Variants in ARHGAP15 observed in about 807,000 individuals in gnomAD.
ARHGAP15 encodes rho GTPase-activating protein 15.
ARHGAP15 carries 51 observed loss-of-function variants against 63.7 expected under a neutral mutation model. The ratio of observed to expected loss-of-function variants is 0.80; its 90% CI spans 0.64 to 1.01. The LOEUF (loss-of-function observed/expected upper bound fraction) is 1.01. ARHGAP15 is among the 50% of genes least tolerant of loss of function. ARHGAP15 has a pLI of 0.00. For synonymous variants in ARHGAP15, 191 were observed against 193.8 expected, an observed-to-expected ratio of 0.99 and a Z score of 0.12; for missense variants, 560 against 564.6, an observed-to-expected ratio of 0.99 and a Z score of 0.08.
intron 12 of ARHGAP15, among the ~76,000 whole-genome samples, chr2:143,657,295 C>A (rs553861125): frequency 1.3e-5 from 2 of 152,106 alleles, no homozygotes; most frequent in Admixed American, 1.3e-4. Context: ...TGCAGTGAGC[C>A]GAGATCGCGC....
intron 6 of ARHGAP15, among the ~76,000 whole-genome samples, chr2:143,316,499 A>T (rs1683716806): frequency 1.3e-5 from 2 of 149,630 alleles, no homozygotes; most frequent in South Asian, 4.2e-4. Context: ...GAATCTCGCT[A>T]TTTGTAATAT....
chr2:143,166,041 AAAAGAAAG>A (rs70982848), intron 2 of ARHGAP15, among the ~76,000 whole-genome samples: 79 of 95,900 alleles, frequency 8.2e-4, no homozygotes, highest in Non-Finnish European at 1.5e-3. Flanking sequence ...CAAAGGAAGA[AAAAGAAAG>A]AAAGAAAGAA....
At chr2:143,582,186 T>C (rs1299903177) in intron 11 of ARHGAP15, among the ~76,000 whole-genome samples, 1 of 152,148 alleles carries the variant, frequency 6.6e-6, no homozygotes, top group East Asian at 1.9e-4. Context: ...AGAGGCATGA[T>C]TGCACTAAAT....
chr2:143,428,121 A>G (rs1689210677), intron 6 of ARHGAP15, among the ~76,000 whole-genome samples: 1 of 152,086 alleles, frequency 6.6e-6, no homozygotes, highest in African/African-American at 2.4e-5. Context: ...GCAGGATGTT[A>G]TGAGCGCACT....
chr2:143,435,281 C>T, intron 6 of ARHGAP15: 7 of 1,010,304 alleles, frequency 6.9e-6, no homozygotes, highest in Non-Finnish European at 8.3e-6. Flanking sequence ...TCTGCGGGTT[C>T]TGACTTAAGT....
intron 6 of ARHGAP15, among the ~76,000 whole-genome samples, chr2:143,373,154 C>T (rs1395811473): frequency 6.6e-6 from 1 of 152,114 alleles, no homozygotes; most frequent in African/African-American, 2.4e-5. Flanking sequence ...ATTTACTCAT[C>T]TGAATCTCAG....
chr2:143,331,364 A>G (rs902502988), intron 6 of ARHGAP15, among the ~76,000 whole-genome samples: 2 of 152,144 alleles, frequency 1.3e-5, no homozygotes, highest in African/African-American at 4.8e-5. Flanking sequence ...AGTGTACCAT[A>G]GACCTATATA....
chr2:143,289,052 CAGTG>C (rs1212842854), intron 6 of ARHGAP15, among the ~76,000 whole-genome samples: 21 of 152,104 alleles, frequency 1.4e-4, no homozygotes, highest in Non-Finnish European at 2.5e-4. Flanking sequence ...CTGATGAAGA[CAGTG>C]AGAGAAATCC....
intron 8 of ARHGAP15, among the ~76,000 whole-genome samples, chr2:143,465,731 A>G (rs1396111002): frequency 6.6e-6 from 1 of 151,796 alleles, no homozygotes; most frequent in Non-Finnish European, 1.5e-5. Context: ...TCTTTTCATC[A>G]CTACTTTTTG....
chr2:143,160,505 T>C (rs1690248829), intron 2 of ARHGAP15, among the ~76,000 whole-genome samples: 1 of 152,008 alleles, frequency 6.6e-6, no homozygotes, highest in African/African-American at 2.4e-5. Context: ...GGCAATTTTG[T>C]TGAGATTTTT....
chr2:143,246,775 ATGATTTTAATAGCATCAGAAACACAC>A (rs1332438211), intron 5 of ARHGAP15, among the ~76,000 whole-genome samples: 1 of 152,142 alleles, frequency 6.6e-6, no homozygotes, highest in Non-Finnish European at 1.5e-5. Flanking sequence ...ACAAAGGTCA[ATGATTTTAATAGCATCAGAAACACAC>A]GGATAAGAAA....
intron 2 of ARHGAP15, among the ~76,000 whole-genome samples, chr2:143,163,526 C>T (rs1377880649): frequency 6.6e-6 from 1 of 151,768 alleles, no homozygotes; most frequent in Non-Finnish European, 1.5e-5. Context: ...TATATATTTA[C>T]AAGCTGAAAT....
intron 2 of ARHGAP15, among the ~76,000 whole-genome samples, chr2:143,187,362 T>C (rs1279060752): frequency 1.3e-5 from 2 of 152,266 alleles, no homozygotes; most frequent in Middle Eastern, 3.4e-3. Flanking sequence ...CATTAGGGAG[T>C]GAGTCTTCAA....
intron 11 of ARHGAP15, among the ~76,000 whole-genome samples, chr2:143,582,174 T>C (rs1696932192): frequency 6.6e-6 from 1 of 152,158 alleles, no homozygotes; most frequent in Non-Finnish European, 1.5e-5. Context: ...CAATGGCCAG[T>C]AAGAGGCATG....
intron 12 of ARHGAP15, among the ~76,000 whole-genome samples, chr2:143,667,599 AAAAAG>A (rs1353936618): frequency 1.6e-3 from 237 of 151,538 alleles, no homozygotes; most frequent in African/African-American, 5.5e-3. Flanking sequence ...AAAAAAAAAA[AAAAAG>A]AAAAGAAGTG....
At chr2:143,423,094 G>C (rs1376046078) in intron 6 of ARHGAP15, among the ~76,000 whole-genome samples, 1 of 152,126 alleles carries the variant, frequency 6.6e-6, no homozygotes, top group African/African-American at 2.4e-5. Flanking sequence ...GAACCAGAAA[G>C]AGCTGGAGAA....
In ARHGAP15 at chr2:143,561,825, C is replaced by G. The variant is rs190384360; in HGVS notation, c.1003+5340C>G. Among the ~76,000 whole-genome samples, 167 of 152,172 alleles carry G rather than the reference C, an allele frequency of 1.1e-3. 1 individual carries two copies. The highest frequency in any genetic ancestry group is 3.4e-3 in the Middle Eastern group (1 of 294). ...CCGACATGTTTTTCATTTATAGAAA[C>G]AAAATTTGAAGAAAAACTGTTAAGG... is the stretch of plus-strand genomic sequence containing the variant. On this transcript the variant is annotated intron_variant, in intron 11 of 13. Coordinates refer to ENST00000295095, the MANE Select transcript of ARHGAP15 (RefSeq NM_018460.4).
At chr2:143,223,482 G>A (rs1483449310) in intron 4 of ARHGAP15, among the ~76,000 whole-genome samples, 2 of 151,944 alleles carry the variant, frequency 1.3e-5, no homozygotes, top group Non-Finnish European at 2.9e-5. Flanking sequence ...CTTAATTTTT[G>A]TCTCTCTGTG....
At chr2:143,308,750 A>G (rs914682257) in intron 6 of ARHGAP15, among the ~76,000 whole-genome samples, 1 of 152,042 alleles carries the variant, frequency 6.6e-6, no homozygotes, top group African/African-American at 2.4e-5. Context: ...TTATTATTAC[A>G]TGACACAAGT....
Sources: allele counts gnomAD v4.1 joint callset (sites outside exome capture counted in the v4.1 genomes callset), GRCh38; gene constraint gnomAD v4.1.1; transcripts MANE v1.5; gene names NCBI Gene and HGNC (gene_info 2026-07-23, HGNC 2026-07-21).